Variants in BCKDHB observed in about 807,000 individuals in gnomAD.
BCKDHB encodes the protein branched chain keto acid dehydrogenase E1 subunit beta.
In BCKDHB, 41 loss-of-function variants were observed where a neutral mutation model predicts 48.5. The observed-to-expected ratio is 0.85, with a 90% CI of 0.66 to 1.10. BCKDHB has a LOEUF of 1.10. Ranked by LOEUF, BCKDHB falls within the 50% of genes least tolerant of loss-of-function variation. The pLI is 0.00. For synonymous variants in BCKDHB, 201 were observed against 174.8 expected (o/e 1.15, Z -1.18); for missense variants, 496 against 494.2 (o/e 1.00, Z -0.03).
chr6:80,450,218 C>T, the BCKDHB span, among the ~76,000 whole-genome samples: 1 of 152,238 alleles, frequency 6.6e-6, no homozygotes, highest in Non-Finnish European at 1.5e-5. Flanking sequence ...GCTTCCATTA[C>T]TCCCAGCCCT....
intron 9 of BCKDHB, among the ~76,000 whole-genome samples, chr6:80,315,254 C>G (rs1206079967): frequency 6.6e-6 from 1 of 152,160 alleles, no homozygotes; most frequent in African/African-American, 2.4e-5. Context: ...CCACAGAGTT[C>G]TGTGTGTTGG....
the BCKDHB span, chr6:80,453,031 A>G: frequency 2.6e-5 from 4 of 152,246 alleles, no homozygotes; most frequent in African/African-American, 9.6e-5. Flanking sequence ...ATTATAATGC[A>G]TATGAATATA....
chr6:80,304,876 AAAG>A (rs1562217245), intron 9 of BCKDHB, among the ~76,000 whole-genome samples: 1 of 152,138 alleles, frequency 6.6e-6, no homozygotes, highest in Non-Finnish European at 1.5e-5. Context: ...CTTATCATTA[AAAG>A]AAGAAATTAG....
chr6:80,124,364 A>G (rs1287564909), intron 1 of BCKDHB, among the ~76,000 whole-genome samples: 1 of 152,210 alleles, frequency 6.6e-6, no homozygotes, highest in African/African-American at 2.4e-5. Context: ...AAGAATGTGT[A>G]TTCTGTTGAT....
chr6:80,169,705 T>C, intron 5 of BCKDHB: 5 of 1,028,948 alleles, frequency 4.9e-6, no homozygotes, highest in South Asian at 1.9e-5. Flanking sequence ...TAGAAACCCA[T>C]AGATGTGTGA....
the BCKDHB span, among the ~76,000 whole-genome samples, chr6:80,370,355 C>A: frequency 6.6e-6 from 1 of 152,030 alleles, no homozygotes; most frequent in Admixed American, 6.6e-5. Context: ...TATCTAAGGG[C>A]CTTTACATAT....
intron 8 of BCKDHB, among the ~76,000 whole-genome samples, chr6:80,265,879 A>G (rs1562187866): frequency 6.6e-6 from 1 of 152,136 alleles, no homozygotes; most frequent in Non-Finnish European, 1.5e-5. Flanking sequence ...TGGTTGGTTC[A>G]GGTTCTAAAT....
intron 1 of BCKDHB, among the ~76,000 whole-genome samples, chr6:80,116,657 A>G (rs1238515875): frequency 6.6e-6 from 1 of 152,248 alleles, no homozygotes; most frequent in Non-Finnish European, 1.5e-5. Flanking sequence ...CCCTGTTTTA[A>G]CAATAGGCAA....
chr6:80,386,241 AAATACAAAATTT>A, the BCKDHB span, among the ~76,000 whole-genome samples: 1 of 151,678 alleles, frequency 6.6e-6, no homozygotes, highest in Non-Finnish European at 1.5e-5. Flanking sequence ...GCAGTCACTT[AAATACAAAATTT>A]AAATCCATGC....
chr6:80,381,407 G>C, the BCKDHB span, among the ~76,000 whole-genome samples: 1 of 151,988 alleles, frequency 6.6e-6, no homozygotes, highest in East Asian at 1.9e-4. Flanking sequence ...GTACACAATC[G>C]ATAAAGCCAT....
rs185886422 is a variant in BCKDHB, at chr6:80,122,763, A to C, written c.197-4784A>C. 1.1e-3 allele frequency among the ~76,000 whole-genome samples: 169 copies of C among 152,304 alleles called. 3 individuals are homozygous for C. The highest frequency in any genetic ancestry group is 3.8e-3 in the African/African-American group (157 of 41,568). ...GATAAGGGTCTATCTTCAGCTTTGC[A>C]CATATTGTCTTGATAAACATCTTAA... On this transcript the variant is annotated intron_variant, in intron 1 of 9. Coordinates refer to ENST00000320393, the MANE Select transcript of BCKDHB (RefSeq NM_183050.4).
At chr6:80,297,936 C>T (rs1360570631) in intron 9 of BCKDHB, among the ~76,000 whole-genome samples, 1 of 152,120 alleles carries the variant, frequency 6.6e-6, no homozygotes, top group Non-Finnish European at 1.5e-5. Flanking sequence ...GATTTATCCA[C>T]TTCCAATTCC....
intron 9 of BCKDHB, among the ~76,000 whole-genome samples, chr6:80,312,841 A>G (rs909283806): frequency 1.3e-5 from 2 of 152,166 alleles, no homozygotes; most frequent in Non-Finnish European, 2.9e-5. Context: ...CCAGCATTTT[A>G]TTGAGGATGT....
chr6:80,185,780 C>T (rs1187763369), intron 6 of BCKDHB, among the ~76,000 whole-genome samples: 1 of 152,154 alleles, frequency 6.6e-6, no homozygotes, highest in African/African-American at 2.4e-5. Context: ...GATATGTCTT[C>T]ATATCTCCTA....
At chr6:80,299,891 A>G (rs1159978618) in intron 9 of BCKDHB, among the ~76,000 whole-genome samples, 1 of 152,228 alleles carries the variant, frequency 6.6e-6, no homozygotes, top group African/African-American at 2.4e-5. Context: ...TTCCACACTT[A>G]AAAGAGACAC....
chr6:80,175,284 CG>C (rs1369253717), intron 6 of BCKDHB, among the ~76,000 whole-genome samples: 1 of 152,162 alleles, frequency 6.6e-6, no homozygotes, highest in East Asian at 1.9e-4. Flanking sequence ...TCGCTTCCCA[CG>C]GGTCACATCT....
At chr6:80,305,199 A>C (rs2127993146) in intron 9 of BCKDHB, among the ~76,000 whole-genome samples, 1 of 152,238 alleles carries the variant, frequency 6.6e-6, no homozygotes, top group Admixed American at 6.5e-5. Flanking sequence ...TAAAAACTTT[A>C]AAAAACATCA....
the BCKDHB span, among the ~76,000 whole-genome samples, chr6:80,405,431 T>C: frequency 6.6e-6 from 1 of 152,160 alleles, no homozygotes; most frequent in Non-Finnish European, 1.5e-5. Flanking sequence ...TTCTTAAATA[T>C]AAAGTGAGTC....
chr6:80,181,058 CTT>C lies in BCKDHB; in HGVS notation c.742+9671_742+9672del, dbSNP rs578145414. 1.7e-3 allele frequency among the ~76,000 whole-genome samples: 265 copies of C among 152,234 alleles called. 1 individual carries two copies. Among genetic ancestry groups the C allele is most frequent in the African/African-American group, 6.0e-3 (251 of 41,554 alleles). On this transcript the variant is annotated intron_variant, in intron 6 of 9. Coordinates refer to ENST00000320393, the MANE Select transcript of BCKDHB (RefSeq NM_183050.4). Reference sequence around the variant, plus strand: ...TCCCCACAGGCAACAACTTTCAACTCTTTTAGTTGAAAGAGTTGAACTCCAGA... The same window carrying C: ...TCCCCACAGGCAACAACTTTCAACTCTTAGTTGAAAGAGTTGAACTCCAGA...
Sources: gnomAD v4.1 joint callset for allele counts (sites outside exome capture counted in the v4.1 genomes callset) on GRCh38, gnomAD v4.1.1 for gene constraint, MANE v1.5 for transcripts, NCBI Gene and HGNC (gene_info 2026-07-23, HGNC 2026-07-21) for gene names.